Variants in COG3 observed in about 807,000 individuals in gnomAD.
COG3 encodes the protein component of oligomeric golgi complex 3, also known as conserved oligomeric Golgi complex subunit 3.
COG3 carries 32 observed loss-of-function variants against 114.1 expected under a neutral mutation model. That is an observed-to-expected ratio of 0.28 (90% CI 0.21 to 0.38). The LOEUF (loss-of-function observed/expected upper bound fraction) is 0.38. Ranked by LOEUF, COG3 falls within the 10% of genes least tolerant of loss-of-function variation. The pLI is 1.00. For synonymous variants in COG3, 352 were observed against 365.7 expected, an observed-to-expected ratio of 0.96 and a Z score of 0.43; for missense variants, 813 against 973.2, an observed-to-expected ratio of 0.84 and a Z score of 2.19.
intron 13 of COG3, 118 bp downstream of exon 13, chr13:45,496,430 G>C (rs1420846739): frequency 2.5e-6 from 2 of 793,492 alleles, no homozygotes; most frequent in East Asian, 4.6e-5. Flanking sequence ...TTGTTGCCCA[G>C]GCTGGTCTCG....
At chr13:45,526,432 T>G (rs974296726) in intron 20 of COG3, among the ~76,000 whole-genome samples, 1 of 152,116 alleles carries the variant, frequency 6.6e-6, no homozygotes, top group African/African-American at 2.4e-5. Context: ...GAAGTTGAAC[T>G]GAGAAATTAG....
chr13:45,503,423 C>T, intron 14 of COG3, 74 bp downstream of exon 14: 1 of 805,012 alleles, frequency 1.2e-6, no homozygotes, highest in Non-Finnish European at 2.1e-6. Context: ...CTTGTCCTGT[C>T]CCAGACATGA....
At chr13:45,482,307 C>G in intron 5 of COG3, 74 bp from the exon 6 acceptor site, 1 of 741,830 alleles carries the variant, frequency 1.3e-6, no homozygotes, top group Non-Finnish European at 2.2e-6. Context: ...AATATGCTGA[C>G]TCTAATCCAT....
At position 45,496,211 on chromosome 13, in the gene COG3, C is replaced by T. The variant is rs1593708055; in HGVS notation, c.1387C>T (p.Arg463Trp). The T allele has an allele frequency of 2.5e-6, 4 of 1,612,810 alleles. No individual in the cohort carries two copies. The highest frequency in any genetic ancestry group is 3.4e-6 in the Non-Finnish European group (4 of 1,179,254). ...GCAGATGTTAGAAGATGTACAGGAG[C>T]GGCTCGTCTACCGAACCCACATCTA... Reference protein sequence around the residue: ...VKQMLEDVQERLVYRTHIYIQ... With the variant: ...VKQMLEDVQEWLVYRTHIYIQ... Residue 463 changes from arginine (R) to tryptophan (W), a missense_variant, in exon 13 of 23, where the codon CGG becomes TGG. Physicochemically the swap from Arg to Trp is moderately radical, Grantham distance 101 (BLOSUM62 -3). Coordinates refer to ENST00000349995, the MANE Select transcript of COG3 (RefSeq NM_031431.4).
At chr13:45,472,280 A>C (rs1885566516) in intron 1 of COG3, among the ~76,000 whole-genome samples, 1 of 152,206 alleles carries the variant, frequency 6.6e-6, no homozygotes, top group Middle Eastern at 3.4e-3. Context: ...AAGTTTGAAT[A>C]TGATGTGCAC....
intron 22 of COG3, among the ~76,000 whole-genome samples, chr13:45,533,923 G>T (rs1566277676): frequency 6.6e-6 from 1 of 152,162 alleles, no homozygotes; most frequent in African/African-American, 2.4e-5. Context: ...TGACATCGGG[G>T]TGATGATCTG....
chr13:45,507,413 GAA>G lies in COG3; in HGVS notation c.1595-2271_1595-2270del, dbSNP rs1021057130. ...TTAAATAGGAGTGGTGAGAGAGAGA[GAA>G]AAAAAAATTTTACAAGTAGTACTTG... On this transcript the variant is annotated intron_variant, in intron 14 of 22. Coordinates refer to ENST00000349995, the MANE Select transcript of COG3 (RefSeq NM_031431.4). Among the ~76,000 whole-genome samples the G allele has an allele frequency of 1.1e-4, 17 of 151,440 alleles. No individual in the cohort carries two copies. In the South Asian group the frequency reaches 2.9e-3, roughly 26 times the overall value.
At chr13:45,520,820 C>A (rs765581409) in intron 19 of COG3, among the ~76,000 whole-genome samples, 1 of 152,162 alleles carries the variant, frequency 6.6e-6, no homozygotes, top group Admixed American at 6.5e-5. Flanking sequence ...AGATAACTTA[C>A]AGTTTTTACT....
chr13:45,486,773 A>G (rs1186063115), intron 8 of COG3, among the ~76,000 whole-genome samples, 198 bp downstream of exon 8: 1 of 152,220 alleles, frequency 6.6e-6, no homozygotes, highest in Non-Finnish European at 1.5e-5. Flanking sequence ...GGAAGCATCT[A>G]GCTTTTCCTG....
chr13:45,479,800 C>G (rs1886135232), intron 3 of COG3, among the ~76,000 whole-genome samples: 1 of 152,220 alleles, frequency 6.6e-6, no homozygotes, highest in Admixed American at 6.5e-5. Context: ...AAGGATTGGC[C>G]TTACTTGGTG....
chr13:45,497,785 C>CAACAA (rs1220766647), intron 13 of COG3, among the ~76,000 whole-genome samples: 1 of 2,964 alleles, frequency 3.4e-4, no homozygotes, highest in Non-Finnish European at 7.8e-4. Context: ...GACCCTGTCT[C>CAACAA]AACAACAACA....
intron 1 of COG3, among the ~76,000 whole-genome samples, chr13:45,467,790 A>G (rs1231688814): frequency 6.6e-6 from 1 of 152,108 alleles, no homozygotes; most frequent in African/African-American, 2.4e-5. Flanking sequence ...GAGTGCCACA[A>G]TTTTCATTTT....
intron 13 of COG3, among the ~76,000 whole-genome samples, chr13:45,502,186 C>G (rs1206643104): frequency 1.3e-5 from 2 of 152,098 alleles, no homozygotes; most frequent in Non-Finnish European, 2.9e-5. Context: ...AGATCTGTTT[C>G]CCAGCCTGAT....
chr13:45,535,721 C>G lies in COG3; in HGVS notation c.*990C>G. On this transcript the variant is annotated 3_prime_UTR_variant, in exon 23 of 23. Transcript: ENST00000349995. ...CCCAGCTACAGCAGAATACATTTTA[C>G]CAGCAAACCTAAGGATGACAAACAC... 1 of 986,366 alleles carries G rather than the reference C, an allele frequency of 1.0e-6. No individual in the cohort carries two copies. Among genetic ancestry groups the G allele is most frequent in the Non-Finnish European group, 1.2e-6 (1 of 830,098 alleles). The allele number at this position is 986,366 out of a possible 1,614,324, so 61.1% of individuals were successfully genotyped here.
intron 17 of COG3, among the ~76,000 whole-genome samples, chr13:45,517,434 A>C (rs1220881895): frequency 1.3e-5 from 2 of 152,118 alleles, no homozygotes; most frequent in Non-Finnish European, 2.9e-5. Flanking sequence ...TCTCTTGTCC[A>C]CCACGGAGAA....
At chr13:45,514,990 G>C (rs1871390470) in intron 16 of COG3, among the ~76,000 whole-genome samples, 1 of 152,154 alleles carries the variant, frequency 6.6e-6, no homozygotes, top group Non-Finnish European at 1.5e-5. Flanking sequence ...AGTGAAAATG[G>C]ATTAATGTCT....
At chr13:45,525,233 A>G (rs1369399113) in intron 20 of COG3, among the ~76,000 whole-genome samples, 182 bp downstream of exon 20, 1 of 152,220 alleles carries the variant, frequency 6.6e-6, no homozygotes, top group Non-Finnish European at 1.5e-5. Flanking sequence ...CTTGCATTTC[A>G]GCAAGCATTC....
chr13:45,508,036 T>A (rs1211119116), intron 14 of COG3, among the ~76,000 whole-genome samples: 18 of 110,954 alleles, frequency 1.6e-4, no homozygotes, highest in African/African-American at 6.4e-4. Context: ...GCCGCTGCAC[T>A]CCAGCCTAGG....
rs1870906805 is a variant in COG3 at position 45,511,870 on chromosome 13, A to AGGT, written c.1809+18_1809+20dup. 3 of 1,585,320 alleles carry AGGT rather than the reference A, an allele frequency of 1.9e-6. No individual in the cohort carries two copies. The highest frequency in any genetic ancestry group is 2.6e-6 in the Non-Finnish European group (3 of 1,153,842). On this transcript the variant is annotated intron_variant, in intron 16 of 22. Transcript: ENST00000349995. Reference sequence around the variant, plus strand: ...CAAAAACAAGGTTTGATGAAGTGTTAGGTGAAATCCTGTTTCCTGGTAAAA... The same window carrying AGGT: ...CAAAAACAAGGTTTGATGAAGTGTTAGGTGGTGAAATCCTGTTTCCTGGTAAAA...
Sources: allele counts gnomAD v4.1 joint callset (sites outside exome capture counted in the v4.1 genomes callset), GRCh38; gene constraint gnomAD v4.1.1; transcripts MANE v1.5; gene names NCBI Gene and HGNC (gene_info 2026-07-23, HGNC 2026-07-21).